The following OR3A3 variants were observed in gnomAD, a reference collection of about 807,000 sequenced individuals.
OR3A3 encodes olfactory receptor family 3 subfamily A member 3.
For missense variants in OR3A3, 275 were observed against 391.4 expected (o/e 0.70, Z 2.51); for synonymous variants, 103 against 163.9 (o/e 0.63, Z 2.84).
chr17:3,420,593 C>G, exon 3 of OR3A3: 3 of 1,524,234 alleles, frequency 2.0e-6, no homozygotes, highest in Non-Finnish European at 2.6e-6. Flanking sequence ...CTCATGGAGC[C>G]AGAAGCTGGG....
intron 2 of OR3A3, among the ~76,000 whole-genome samples, chr17:3,412,504 G>C (rs1026887156): frequency 4.1e-5 from 6 of 147,646 alleles, no homozygotes; most frequent in African/African-American, 1.5e-4. Context: ...GGATGGGCTG[G>C]AGTTCCAGAG....
At chr17:3,417,561 C>G (rs2150681193) in intron 2 of OR3A3, among the ~76,000 whole-genome samples, 1 of 152,184 alleles carries the variant, frequency 6.6e-6, no homozygotes, top group South Asian at 2.1e-4. Flanking sequence ...TGAAGTTTAT[C>G]CTCTAGAAGT....
chr17:3,415,210 G>A (rs953425117), intron 2 of OR3A3, among the ~76,000 whole-genome samples: 6 of 150,864 alleles, frequency 4.0e-5, no homozygotes, highest in East Asian at 1.9e-4. Flanking sequence ...ACATATTATC[G>A]TATATTATTT....
intron 2 of OR3A3, among the ~76,000 whole-genome samples, chr17:3,412,548 G>A (rs1470811874): frequency 1.3e-5 from 2 of 148,392 alleles, no homozygotes; most frequent in Non-Finnish European, 3.0e-5. Context: ...GGGGAGCCTC[G>A]AGAGTGGTCG....
chr17:3,414,499 A>G (rs1290367065), intron 2 of OR3A3, among the ~76,000 whole-genome samples: 8 of 152,208 alleles, frequency 5.3e-5, no homozygotes, highest in Admixed American at 4.6e-4. Context: ...ACAAAGAAAG[A>G]AAAACACGAT....
chr17:3,420,244 T>A (rs368942243), intron 2 of OR3A3, among the ~76,000 whole-genome samples: 80 of 152,334 alleles, frequency 5.3e-4, no homozygotes, highest in African/African-American at 1.7e-3. Context: ...GTTACCCATT[T>A]TCCCCCTTCC....
At chr17:3,421,412 G>A in exon 3 of OR3A3, 1 of 1,613,350 alleles carries the variant, frequency 6.2e-7, no homozygotes, top group Non-Finnish European at 8.5e-7. Context: ...AAGGATAAGG[G>A]GGTTGGGGTT....
intron 2 of OR3A3, among the ~76,000 whole-genome samples, chr17:3,416,923 CTTTT>C (rs1160057820): frequency 6.6e-6 from 1 of 151,900 alleles, no homozygotes; most frequent in African/African-American, 2.4e-5. Flanking sequence ...GAACTTGTTC[CTTTT>C]ATTTAACTGT....
intron 2 of OR3A3, among the ~76,000 whole-genome samples, chr17:3,417,882 T>TGTCTCC (rs2072401686): frequency 6.6e-6 from 1 of 152,242 alleles, no homozygotes; most frequent in Admixed American, 6.5e-5. Context: ...GACCTGTTTC[T>TGTCTCC]GTCTCCTGGT....
At chr17:3,421,612 A>G in exon 3 of OR3A3, 1 of 1,485,226 alleles carries the variant, frequency 6.7e-7, no homozygotes, top group Non-Finnish European at 9.0e-7. Context: ...CTTGTTTATA[A>G]CCATTATTTC....
chr17:3,415,571 AAAAAG>A (rs2072385790), intron 2 of OR3A3, among the ~76,000 whole-genome samples: 2 of 150,370 alleles, frequency 1.3e-5, no homozygotes, highest in Non-Finnish European at 1.5e-5. Flanking sequence ...CAAAAAAAAA[AAAAAG>A]AAAAGAAAAA....
At chr17:3,415,838 ATTAT>A (rs1222258297) in intron 2 of OR3A3, among the ~76,000 whole-genome samples, 3 of 133,270 alleles carry the variant, frequency 2.3e-5, no homozygotes, top group African/African-American at 8.5e-5. Flanking sequence ...TATTATTATT[ATTAT>A]TTGAGACCCA....
intron 2 of OR3A3, among the ~76,000 whole-genome samples, chr17:3,412,852 A>G (rs576996213): frequency 1.4e-4 from 21 of 152,256 alleles, no homozygotes; most frequent in South Asian, 8.3e-4. Context: ...CCCTGCCACA[A>G]CCTTGCACCC....
chr17:3,415,286 C>T (rs909867564), intron 2 of OR3A3, among the ~76,000 whole-genome samples: 1 of 151,622 alleles, frequency 6.6e-6, no homozygotes, highest in Non-Finnish European at 1.5e-5. Flanking sequence ...TCCAGCTGGG[C>T]TCGGTGGCTC....
At chr17:3,421,622 C>A in exon 3 of OR3A3, 1 of 1,440,764 alleles carries the variant, frequency 6.9e-7, no homozygotes, top group Non-Finnish European at 9.3e-7. Flanking sequence ...ACCATTATTT[C>A]TATCTCCTGA....
chr17:3,418,370 C>T (rs1174500343), intron 2 of OR3A3, among the ~76,000 whole-genome samples: 1 of 152,046 alleles, frequency 6.6e-6, no homozygotes, highest in Non-Finnish European at 1.5e-5. Flanking sequence ...TTTTTGAGTA[C>T]CTTTTGCCTT....
intron 2 of OR3A3, among the ~76,000 whole-genome samples, chr17:3,414,672 A>G (rs2072380531): frequency 6.6e-6 from 1 of 152,210 alleles, no homozygotes; most frequent in African/African-American, 2.4e-5. Flanking sequence ...GATGTCAGAG[A>G]AAAGGCATTT....
chr17:3,416,431 T>C (rs1464107428), intron 2 of OR3A3, among the ~76,000 whole-genome samples: 1 of 150,090 alleles, frequency 6.7e-6, no homozygotes, highest in Middle Eastern at 3.2e-3. Flanking sequence ...TCTTTTCTTT[T>C]GAGCTAGTTA....
exon 3 of OR3A3, chr17:3,422,565 A>C (rs2072442430): frequency 6.6e-6 from 1 of 152,172 alleles, no homozygotes. Context: ...TCTAACTTTA[A>C]CTTTATTTGA....
Sources: gnomAD v4.1 joint callset for allele counts (sites outside exome capture counted in the v4.1 genomes callset) on GRCh38, gnomAD v4.1.1 for gene constraint, MANE v1.5 for transcripts, NCBI Gene and HGNC (gene_info 2026-07-23, HGNC 2026-07-21) for gene names.